Variants in CLDN16 observed in about 807,000 individuals in gnomAD.
The protein encoded by CLDN16 is claudin-16.
CLDN16 carries 13 observed loss-of-function variants against 24.6 expected under a neutral mutation model. The ratio of observed to expected loss-of-function variants is 0.53; its 90% CI spans 0.34 to 0.84. The LOEUF (loss-of-function observed/expected upper bound fraction) is 0.84, where lower values mean the gene tolerates loss of function less well. Ranked by LOEUF, CLDN16 falls within the 40% of genes least tolerant of loss-of-function variation. The probability of loss-of-function intolerance (pLI) is 0.01; values close to 1 mark genes in which losing one functional copy is unlikely to be tolerated. For synonymous variants in CLDN16, 116 were observed against 106.7 expected (o/e 1.09, Z -0.54); for missense variants, 298 against 292.7 (o/e 1.02, Z -0.13).
intron 1 of CLDN16, among the ~76,000 whole-genome samples, chr3:190,327,730 G>A (rs1407418806): frequency 1.3e-5 from 2 of 152,130 alleles, no homozygotes; most frequent in Non-Finnish European, 2.9e-5. Flanking sequence ...GATACCCAAA[G>A]ACTGCATCCT....
intron 2 of CLDN16, among the ~76,000 whole-genome samples, chr3:190,403,455 GTTTA>G (rs1382083120): frequency 2.6e-5 from 4 of 152,250 alleles, no homozygotes; most frequent in Non-Finnish European, 5.9e-5. Flanking sequence ...TCTCCATAGT[GTTTA>G]TTTGTTTATT....
the CLDN16 span, among the ~76,000 whole-genome samples, chr3:190,290,926 A>G: frequency 6.6e-6 from 1 of 152,226 alleles, no homozygotes; most frequent in Non-Finnish European, 1.5e-5. Context: ...CATGTAAGCC[A>G]ATAACTGTCA....
At chr3:190,339,264 T>C (rs919713393) in intron 1 of CLDN16, among the ~76,000 whole-genome samples, 2 of 152,250 alleles carry the variant, frequency 1.3e-5, no homozygotes, top group Non-Finnish European at 2.9e-5. Flanking sequence ...AATACTCTGC[T>C]TCTAGGCTTC....
intron 2 of CLDN16, among the ~76,000 whole-genome samples, chr3:190,371,408 C>G (rs2108647472): frequency 6.6e-6 from 1 of 151,836 alleles, no homozygotes; most frequent in African/African-American, 2.4e-5. Flanking sequence ...GCTTCCAAAC[C>G]CTACACTTCG....
chr3:190,375,961 C>G (rs979233266), intron 3 of CLDN16, among the ~76,000 whole-genome samples: 1 of 151,890 alleles, frequency 6.6e-6, no homozygotes, highest in African/African-American at 2.4e-5. Context: ...CAGATCACTT[C>G]TGGCAGAATA....
chr3:190,399,509 C>CAAA (rs532153086), intron 1 of CLDN16, among the ~76,000 whole-genome samples: 8 of 64,468 alleles, frequency 1.2e-4, no homozygotes, highest in African/African-American at 5.3e-4. Flanking sequence ...GACTCTGCCT[C>CAAA]AAAAAAAATT....
the CLDN16 span, among the ~76,000 whole-genome samples, chr3:190,309,070 G>A: frequency 6.6e-6 from 1 of 152,106 alleles, no homozygotes; most frequent in African/African-American, 2.4e-5. Context: ...AAGTTATAAG[G>A]CCAAGTCTAA....
intron 3 of CLDN16, among the ~76,000 whole-genome samples, chr3:190,406,084 C>A (rs552739929): frequency 6.6e-6 from 1 of 152,274 alleles, no homozygotes; most frequent in African/African-American, 2.4e-5. Context: ...GTTTCCTGAT[C>A]TGCAAAGAGG....
At chr3:190,345,042 A>G (rs1717522660) in intron 1 of CLDN16, among the ~76,000 whole-genome samples, 1 of 152,170 alleles carries the variant, frequency 6.6e-6, no homozygotes, top group Non-Finnish European at 1.5e-5. Context: ...GTTAACACTG[A>G]AATTTGTAGA....
chr3:190,322,891 T>C (rs1716970897), intron 1 of CLDN16, among the ~76,000 whole-genome samples: 1 of 151,980 alleles, frequency 6.6e-6, no homozygotes, highest in Non-Finnish European at 1.5e-5. Flanking sequence ...CCCCCTTCTT[T>C]CCTCTCTCTG....
intron 3 of CLDN16, among the ~76,000 whole-genome samples, chr3:190,382,833 A>G (rs1467987656): frequency 6.6e-6 from 1 of 152,116 alleles, no homozygotes; most frequent in African/African-American, 2.4e-5. Context: ...CATGTGAGAT[A>G]GTTGCCAGAT....
intron 4 of CLDN16, among the ~76,000 whole-genome samples, chr3:190,408,989 C>A (rs1325350164): frequency 6.7e-6 from 1 of 149,982 alleles, no homozygotes; most frequent in Non-Finnish European, 1.5e-5. Flanking sequence ...AATTGTAATA[C>A]ATCAAAATAA....
chr3:190,403,083 T>C (rs1288197809), intron 2 of CLDN16, among the ~76,000 whole-genome samples: 3 of 152,190 alleles, frequency 2.0e-5, no homozygotes, highest in Non-Finnish European at 4.4e-5. Flanking sequence ...ATCCTAGCAC[T>C]TTGGGAGGCC....
chr3:190,408,216 C>T, intron 3 of CLDN16, 98 bp from the exon 4 acceptor site: 1 of 1,212,620 alleles, frequency 8.2e-7, no homozygotes. Context: ...TTTTACCTCT[C>T]TGAATCACGC....
At chr3:190,325,221 A>G (rs1717035131) in intron 1 of CLDN16, among the ~76,000 whole-genome samples, 2 of 152,202 alleles carry the variant, frequency 1.3e-5, no homozygotes, top group South Asian at 4.1e-4. Flanking sequence ...CATATTGAAT[A>G]TGGCAGCGCT....
At chr3:190,318,524 A>G (rs991835186), upstream of CLDN16, among the ~76,000 whole-genome samples, 1 of 152,060 alleles carries the variant, frequency 6.6e-6, no homozygotes, top group African/African-American at 2.4e-5. Flanking sequence ...CATTCCTCCC[A>G]CTCTGCCCTA....
chr3:190,297,361 A>G, the CLDN16 span, among the ~76,000 whole-genome samples: 1 of 150,930 alleles, frequency 6.6e-6, no homozygotes, highest in East Asian at 1.9e-4. Flanking sequence ...GAAAACGGGG[A>G]AAGGACTCTA....
At chr3:190,323,830 G>A (rs1716997559) in intron 1 of CLDN16, among the ~76,000 whole-genome samples, 1 of 152,166 alleles carries the variant, frequency 6.6e-6, no homozygotes, top group Admixed American at 6.5e-5. Context: ...TTAGGGACAA[G>A]CAATGAAGAA....
chr3:190,392,748 T>A (rs1480923902), intron 1 of CLDN16, among the ~76,000 whole-genome samples: 1 of 152,132 alleles, frequency 6.6e-6, no homozygotes, highest in Non-Finnish European at 1.5e-5. Context: ...TACAAGAGCG[T>A]TGTATGTTTG....
Sources: allele counts gnomAD v4.1 joint callset (sites outside exome capture counted in the v4.1 genomes callset), GRCh38; gene constraint gnomAD v4.1.1; transcripts MANE v1.5; gene names NCBI Gene and HGNC (gene_info 2026-07-23, HGNC 2026-07-21).